Variants in ASNS observed in about 807,000 individuals in gnomAD.
ASNS encodes the protein asparagine synthetase (glutamine-hydrolyzing), also known as asparagine synthetase [glutamine-hydrolyzing].
Under a neutral mutation model 62.6 loss-of-function variants are expected in ASNS, and 37 were observed. The observed-to-expected ratio is 0.59, with a 90% CI of 0.45 to 0.78. The LOEUF (loss-of-function observed/expected upper bound fraction) is 0.78. ASNS is among the 30% of genes least tolerant of loss of function. ASNS has a pLI of 0.00. For missense variants in ASNS, 520 were observed against 682.4 expected (o/e 0.76, Z 2.65); for synonymous variants, 207 against 237.9 (o/e 0.87, Z 1.19).
chr7:97,910,908 T>C, the ASNS span, among the ~76,000 whole-genome samples: 1 of 152,160 alleles, frequency 6.6e-6, no homozygotes, highest in East Asian at 1.9e-4. Flanking sequence ...CCTTAGACTT[T>C]CAAGTAAAGC....
chr7:97,896,741 C>CACACAGATAT, the ASNS span, among the ~76,000 whole-genome samples: 8 of 19,782 alleles, frequency 4.0e-4, no homozygotes, highest in African/African-American at 7.6e-4. Flanking sequence ...CACACACACA[C>CACACAGATAT]ATATATATAT....
At chr7:97,866,280 C>G (rs1791962963) in intron 3 of ASNS, among the ~76,000 whole-genome samples, 1 of 152,198 alleles carries the variant, frequency 6.6e-6, no homozygotes, top group Admixed American at 6.5e-5. Flanking sequence ...ATCACAATAA[C>G]AGATACATGA....
At chr7:97,856,642 T>C in intron 8 of ASNS, 48 bp downstream of exon 8, 5 of 1,457,450 alleles carry the variant, frequency 3.4e-6, no homozygotes, top group Non-Finnish European at 2.8e-6. Context: ...TTACATTTTT[T>C]TCAGTATTAA....
chr7:97,896,788 C>A, the ASNS span, among the ~76,000 whole-genome samples: 1 of 60,114 alleles, frequency 1.7e-5, no homozygotes, highest in African/African-American at 4.6e-5. Flanking sequence ...GCTATAGTAA[C>A]CAAAACAGCG....
At chr7:97,902,746 A>C in the ASNS span, among the ~76,000 whole-genome samples, 2 of 152,000 alleles carry the variant, frequency 1.3e-5, no homozygotes, top group Admixed American at 6.6e-5. Context: ...ACAACAACAA[A>C]AAACTGAACA....
the ASNS span, among the ~76,000 whole-genome samples, chr7:97,899,280 C>G: frequency 1.3e-5 from 2 of 152,150 alleles, no homozygotes; most frequent in African/African-American, 2.4e-5. Flanking sequence ...CTGCACCCAG[C>G]TGTTATTTAT....
the ASNS span, among the ~76,000 whole-genome samples, chr7:97,915,254 T>C: frequency 6.6e-6 from 1 of 152,214 alleles, no homozygotes; most frequent in African/African-American, 2.4e-5. Context: ...ACTCCTGCTG[T>C]TGGAGAGCTA....
chr7:97,916,563 G>A, the ASNS span, among the ~76,000 whole-genome samples: 2 of 152,270 alleles, frequency 1.3e-5, no homozygotes, highest in East Asian at 1.9e-4. Flanking sequence ...GCACACAGGC[G>A]GATCCAAGAC....
chr7:97,898,832 A>G, the ASNS span: 1 of 769,254 alleles, frequency 1.3e-6, no homozygotes, highest in East Asian at 2.4e-5. Flanking sequence ...GAAGTTAGTC[A>G]GGCAGTTTTT....
chr7:97,923,873 G>A, the ASNS span, among the ~76,000 whole-genome samples: 3 of 152,148 alleles, frequency 2.0e-5, no homozygotes, highest in African/African-American at 4.8e-5. Flanking sequence ...CATCAACACC[G>A]TCATGTGAGT....
chr7:97,919,675 G>A, the ASNS span, among the ~76,000 whole-genome samples: 3 of 152,164 alleles, frequency 2.0e-5, no homozygotes, highest in African/African-American at 7.2e-5. Context: ...CCTCCAGGAG[G>A]ATGGTCTGAG....
intron 4 of ASNS, 104 bp downstream of exon 4, chr7:97,864,155 C>A: frequency 9.7e-7 from 1 of 1,025,948 alleles, no homozygotes; most frequent in South Asian, 1.7e-5. Flanking sequence ...AACTTAGTCA[C>A]TTGTAAAATT....
In ASNS at chr7:97,869,119, C is replaced by T; in HGVS notation, c.38G>A (p.Cys13Tyr). Residue 13 changes from cysteine (C) to tyrosine (Y), a missense_variant, in exon 3 of 13, where the codon TGC becomes TAC. By Grantham distance (194) the Cys-to-Tyr change is radical (BLOSUM62 -2). Coordinates refer to ENST00000394308, the MANE Select transcript of ASNS (RefSeq NM_001673.5). ...GIWALFGSDDCLSVQCLSAMK... is the reference protein window; with the variant it reads ...GIWALFGSDDYLSVQCLSAMK... ...AGCACTCAGACACTGAACAGAAAGGCAATCATCACTGCCAAACAGCGCCCA... is the reference window on the plus strand; with the variant it reads ...AGCACTCAGACACTGAACAGAAAGGTAATCATCACTGCCAAACAGCGCCCA... 1 of 1,614,170 alleles carries T rather than the reference C, an allele frequency of 6.2e-7. No homozygotes were observed. The highest frequency in any genetic ancestry group is 8.5e-7 in the Non-Finnish European group (1 of 1,180,044).
chr7:97,898,975 G>A, the ASNS span: 46 of 764,278 alleles, frequency 6.0e-5, 1 homozygote, highest in East Asian at 1.0e-3. Context: ...GGGTCCTGGC[G>A]ACCAAGTCTT....
intron 3 of ASNS, among the ~76,000 whole-genome samples, chr7:97,865,486 T>C (rs1174896565): frequency 6.6e-6 from 1 of 152,232 alleles, no homozygotes; most frequent in Non-Finnish European, 1.5e-5. Flanking sequence ...GCTTTTGTCT[T>C]GGAAGGCTCT....
the ASNS span, among the ~76,000 whole-genome samples, chr7:97,916,977 T>C: frequency 6.6e-6 from 1 of 152,142 alleles, no homozygotes; most frequent in Non-Finnish European, 1.5e-5. Context: ...CCACAGTCTC[T>C]AGGTGCCACT....
At chr7:97,893,063 A>G in the ASNS span, among the ~76,000 whole-genome samples, 3 of 152,270 alleles carry the variant, frequency 2.0e-5, no homozygotes, top group African/African-American at 7.2e-5. Flanking sequence ...ACAGTTCTAC[A>G]TTGCTGGGGA....
intron 3 of ASNS, among the ~76,000 whole-genome samples, chr7:97,867,536 G>A (rs1792036658): frequency 6.6e-6 from 1 of 152,166 alleles, no homozygotes; most frequent in African/African-American, 2.4e-5. Context: ...CACTGTTCAA[G>A]TGAAACAGGG....
chr7:97,902,183 C>G, the ASNS span, among the ~76,000 whole-genome samples: 1 of 152,058 alleles, frequency 6.6e-6, no homozygotes, highest in African/African-American at 2.4e-5. Context: ...ACCAGCAAAT[C>G]CTTTATGCAG....
Sources: allele counts gnomAD v4.1 joint callset (sites outside exome capture counted in the v4.1 genomes callset), GRCh38; gene constraint gnomAD v4.1.1; transcripts MANE v1.5; gene names NCBI Gene and HGNC (gene_info 2026-07-23, HGNC 2026-07-21).